Variants in SLC9C1 observed in about 807,000 individuals in gnomAD.
SLC9C1 encodes sodium/hydrogen exchanger 10.
SLC9C1 carries 97 observed loss-of-function variants against 140.9 expected under a neutral mutation model. The observed-to-expected ratio is 0.69, with a 90% confidence interval of 0.58 to 0.82. The LOEUF (loss-of-function observed/expected upper bound fraction) is 0.82. SLC9C1 is among the 40% of genes least tolerant of loss of function. The probability of loss-of-function intolerance (pLI) is 0.00; values close to 1 mark genes in which losing one functional copy is unlikely to be tolerated. For synonymous variants in SLC9C1, 440 were observed against 442.6 expected, an observed-to-expected ratio of 0.99 and a Z score of 0.07; for missense variants, 1,340 against 1,389.3, an observed-to-expected ratio of 0.96 and a Z score of 0.56.
At chr3:112,152,156 C>G (rs188496955) in intron 27 of SLC9C1, among the ~76,000 whole-genome samples, 193 bp from the exon 28 acceptor site, 1 of 152,140 alleles carries the variant, frequency 6.6e-6, no homozygotes, top group African/African-American at 2.4e-5. Flanking sequence ...AGACCCGCAC[C>G]GGCACTGGTC....
intron 28 of SLC9C1, among the ~76,000 whole-genome samples, chr3:112,142,078 TG>T (rs772080974): frequency 6.6e-6 from 1 of 152,218 alleles, no homozygotes; most frequent in African/African-American, 2.4e-5. Flanking sequence ...TAATTTACTT[TG>T]GATTAATCCC....
intron 26 of SLC9C1, among the ~76,000 whole-genome samples, chr3:112,162,887 A>G (rs898821296): frequency 1.9e-4 from 26 of 135,850 alleles, no homozygotes; most frequent in Non-Finnish European, 3.1e-4. Flanking sequence ...TTCGGCTGTG[A>G]ATCCATCTGG....
At chr3:112,233,180 T>C (rs9809696) in intron 12 of SLC9C1, among the ~76,000 whole-genome samples, 89,313 of 151,106 alleles carry the variant, frequency 0.59, 26,920 homozygotes, top group East Asian at 0.79. Context: ...GTGATCTTCC[T>C]ACCTCAGTCT....
At chr3:112,152,496 G>A (rs544089818) in intron 27 of SLC9C1, among the ~76,000 whole-genome samples, 7 of 151,638 alleles carry the variant, frequency 4.6e-5, no homozygotes, top group Non-Finnish European at 7.4e-5. Flanking sequence ...TCCCAGGGAC[G>A]AGCAGGAGAC....
At chr3:112,174,209 G>C in intron 23 of SLC9C1, among the ~76,000 whole-genome samples, 1 of 152,190 alleles carries the variant, frequency 6.6e-6, no homozygotes, top group African/African-American at 2.4e-5. Context: ...TGCATAGTTT[G>C]CAAGCATTGT....
intron 23 of SLC9C1, among the ~76,000 whole-genome samples, chr3:112,169,555 T>C (rs188602920): frequency 2.6e-5 from 4 of 152,308 alleles, no homozygotes; most frequent in East Asian, 1.9e-4. Context: ...TGTGGCTTTA[T>C]TTCTGGGTTT....
intron 13 of SLC9C1, among the ~76,000 whole-genome samples, chr3:112,227,557 A>G (rs188782096): frequency 1.3e-5 from 2 of 152,288 alleles, no homozygotes; most frequent in East Asian, 1.9e-4. Flanking sequence ...AAAACTCCCA[A>G]TAAAGTAGAT....
intron 12 of SLC9C1, among the ~76,000 whole-genome samples, chr3:112,231,743 A>G (rs1319208651): frequency 6.6e-6 from 1 of 152,202 alleles, no homozygotes; most frequent in Non-Finnish European, 1.5e-5. Context: ...TTAACAGTTT[A>G]AAAAGCTATC....
Position 112,194,884 on chromosome 3 carries a change from T to C in SLC9C1, c.2523+4437A>G, listed in dbSNP as rs1363912044. ...GTTTTGATTTGCATTTCCATAATGA[T>C]GAATGATGTCAAACTCATTATATTT... On this transcript the variant is annotated intron_variant, in intron 20 of 28. Transcript: ENST00000305815. 2.0e-5 allele frequency among the ~76,000 whole-genome samples: 3 copies of C among 152,278 alleles called. No homozygotes were observed. In the East Asian group the frequency reaches 5.8e-4, roughly 29 times the overall value.
At chr3:112,147,535 T>C (rs774373240) in intron 28 of SLC9C1, 20 of 408,950 alleles carry the variant, frequency 4.9e-5, no homozygotes, top group African/African-American at 1.9e-4. Flanking sequence ...TTCCTTTGCT[T>C]ATAAAGCTTA....
intron 3 of SLC9C1, 35 bp from the exon 4 acceptor site, chr3:112,278,892 T>C (rs2080287951): frequency 1.3e-6 from 2 of 1,584,164 alleles, no homozygotes; most frequent in Non-Finnish European, 1.7e-6. Flanking sequence ...TTCTCATTTA[T>C]TCATCACTAT....
At chr3:112,161,191 T>C (rs1481654945) in intron 26 of SLC9C1, among the ~76,000 whole-genome samples, 1 of 152,196 alleles carries the variant, frequency 6.6e-6, no homozygotes, top group Non-Finnish European at 1.5e-5. Context: ...GATGAGTAGG[T>C]TGCGAAAATT....
At chr3:112,160,892 CAA>C (rs2075277954) in intron 26 of SLC9C1, among the ~76,000 whole-genome samples, 1 of 152,058 alleles carries the variant, frequency 6.6e-6, no homozygotes, top group Non-Finnish European at 1.5e-5. Flanking sequence ...ACCAACAGTG[CAA>C]AAGTGTTCCT....
At chr3:112,173,301 G>A (rs1473513885) in intron 23 of SLC9C1, among the ~76,000 whole-genome samples, 1 of 152,084 alleles carries the variant, frequency 6.6e-6, no homozygotes, top group Non-Finnish European at 1.5e-5. Context: ...TTAGGTTTAA[G>A]GATAGAAGTG....
chr3:112,270,891 G>A (rs966663610), intron 6 of SLC9C1, among the ~76,000 whole-genome samples: 17 of 152,034 alleles, frequency 1.1e-4, no homozygotes, highest in Non-Finnish European at 2.1e-4. Flanking sequence ...TTTTTTAATC[G>A]GGTTATTTAT....
At chr3:112,278,925 G>T (rs2080289094) in intron 3 of SLC9C1, 68 bp from the exon 4 acceptor site, 1 of 1,483,734 alleles carries the variant, frequency 6.7e-7, no homozygotes, top group Middle Eastern at 2.2e-4. Context: ...CATGCTAGGT[G>T]CTCCTAAATC....
intron 14 of SLC9C1, among the ~76,000 whole-genome samples, chr3:112,220,251 G>C (rs1394764673): frequency 6.6e-6 from 1 of 152,166 alleles, no homozygotes; most frequent in African/African-American, 2.4e-5. Context: ...TTGAAAGTCT[G>C]TACTTGAAAT....
In SLC9C1 at chr3:112,204,316, G is replaced by A; in HGVS notation, c.2074C>T (p.Leu692Phe). ...ITLIGILHVI[L>F]IEIDTIKYIF... ...TACTTAATGGTGTCTATTTCAATAA[G>A]TATTACATGTAAGATGCCAATTAAT... Residue 692 changes from leucine (L) to phenylalanine (F), a missense_variant, in exon 17 of 29, where the codon CTT (leucine) becomes TTT (phenylalanine). By Grantham distance (22) the Leu-to-Phe change is conservative (BLOSUM62 0). Transcript: ENST00000305815. The A allele has an allele frequency of 1.3e-6, 2 of 1,571,070 alleles. No homozygotes were observed. Among genetic ancestry groups the A allele is most frequent in the Non-Finnish European group, 1.7e-6 (2 of 1,164,984 alleles).
intron 2 of SLC9C1, among the ~76,000 whole-genome samples, chr3:112,284,038 G>C (rs1047052464): frequency 2.6e-5 from 4 of 152,140 alleles, no homozygotes; most frequent in African/African-American, 9.7e-5. Context: ...ATAATCAAAA[G>C]AGGTAACTGG....
Sources: gnomAD v4.1 joint callset for allele counts (sites outside exome capture counted in the v4.1 genomes callset) on GRCh38, gnomAD v4.1.1 for gene constraint, MANE v1.5 for transcripts, NCBI Gene and HGNC (gene_info 2026-07-23, HGNC 2026-07-21) for gene names.